Variants in DIAPH3 observed in about 807,000 individuals in gnomAD.
The protein encoded by DIAPH3 is protein diaphanous homolog 3.
A neutral mutation model predicts 144.3 loss-of-function variants in DIAPH3; 117 were observed. That is an observed-to-expected ratio of 0.81 (90% CI 0.70 to 0.95). DIAPH3 has a LOEUF of 0.95. Among genes scored for constraint, DIAPH3 ranks in the 40% least tolerant of loss-of-function variants. The pLI is 0.00. For synonymous variants in DIAPH3, 519 were observed against 488.9 expected (o/e 1.06, Z -0.81); for missense variants, 1,421 against 1,412.7 (o/e 1.01, Z -0.09).
chr13:59,899,403 A>C (rs1163584342), intron 20 of DIAPH3, among the ~76,000 whole-genome samples: 1 of 152,208 alleles, frequency 6.6e-6, no homozygotes, highest in Non-Finnish European at 1.5e-5. Context: ...TCCACAAAGG[A>C]CCTGTGAAAA....
chr13:60,104,589 C>CACA (rs1555375808), intron 3 of DIAPH3, among the ~76,000 whole-genome samples: 1 of 148,912 alleles, frequency 6.7e-6, no homozygotes, highest in African/African-American at 2.5e-5. Flanking sequence ...CACACACACA[C>CACA]ACACACGATG....
intron 17 of DIAPH3, among the ~76,000 whole-genome samples, chr13:59,942,958 T>C (rs2048608692): frequency 6.6e-6 from 1 of 152,182 alleles, no homozygotes; most frequent in African/African-American, 2.4e-5. Flanking sequence ...TAATGAGCAT[T>C]TAAGTTGTTT....
chr13:59,696,468 T>C (rs1425296245), intron 27 of DIAPH3, among the ~76,000 whole-genome samples: 6 of 152,226 alleles, frequency 3.9e-5, no homozygotes, highest in Non-Finnish European at 5.9e-5. Context: ...ATGCCTGCTA[T>C]ATAGTGCTAT....
At chr13:59,770,594 T>G (rs2038072798) in intron 27 of DIAPH3, among the ~76,000 whole-genome samples, 1 of 152,170 alleles carries the variant, frequency 6.6e-6, no homozygotes, top group Non-Finnish European at 1.5e-5. Flanking sequence ...CTACTACTGC[T>G]GCTGCTGCTA....
chr13:59,715,608 G>C (rs1409522158), intron 27 of DIAPH3, among the ~76,000 whole-genome samples: 7 of 150,472 alleles, frequency 4.7e-5, no homozygotes, highest in Admixed American at 1.3e-4. Context: ...ATGTTCTTTA[G>C]AGTAAAAAAA....
intron 27 of DIAPH3, among the ~76,000 whole-genome samples, chr13:59,674,250 C>T (rs1481917880): frequency 6.6e-6 from 1 of 152,182 alleles, no homozygotes; most frequent in Admixed American, 6.5e-5. Context: ...ACACTTTCCC[C>T]ATATATCCAC....
intron 27 of DIAPH3, among the ~76,000 whole-genome samples, chr13:59,773,268 A>G (rs1305855575): frequency 6.6e-6 from 1 of 152,194 alleles, no homozygotes; most frequent in African/African-American, 2.4e-5. Flanking sequence ...CCCCACACCT[A>G]TTAAAAGATA....
intron 4 of DIAPH3, among the ~76,000 whole-genome samples, chr13:60,045,840 G>A (rs535668021): frequency 6.6e-6 from 1 of 152,156 alleles, no homozygotes; most frequent in African/African-American, 2.4e-5. Context: ...TTTTAAGTAT[G>A]AGAATAACCA....
At chr13:59,913,468 A>G (rs1003959984) in intron 19 of DIAPH3, among the ~76,000 whole-genome samples, 2 of 152,118 alleles carry the variant, frequency 1.3e-5, no homozygotes, top group African/African-American at 2.4e-5. Context: ...CCTCTGCTCT[A>G]TTCTACATCT....
At chr13:59,901,304 C>T (rs2046415093) in intron 20 of DIAPH3, among the ~76,000 whole-genome samples, 1 of 152,250 alleles carries the variant, frequency 6.6e-6, no homozygotes, top group East Asian at 1.9e-4. Context: ...CACCGTCTCC[C>T]ACCTTCACTC....
chr13:59,969,928 A>C lies in DIAPH3; in HGVS notation c.2074+16T>G. 1 of 1,461,134 alleles carries C rather than the reference A, an allele frequency of 6.8e-7. No homozygotes were observed. Among genetic ancestry groups the C allele is most frequent in the Non-Finnish European group, 9.5e-7 (1 of 1,052,750 alleles). The allele number at this position is 1,461,134 out of a possible 1,614,324, so 90.5% of individuals were successfully genotyped here. On this transcript the variant is annotated intron_variant, in intron 17 of 27. Coordinates refer to ENST00000400324, the MANE Select transcript of DIAPH3 (RefSeq NM_001042517.2). ...TCTAAAATCAAATTAATAAATAATC[A>C]AGATGTTAAACTTACCTTTTTGTTG... is the stretch of plus-strand genomic sequence containing the variant.
At chr13:59,784,848 C>CGT (rs1566305261) in intron 25 of DIAPH3, among the ~76,000 whole-genome samples, 1 of 151,112 alleles carries the variant, frequency 6.6e-6, no homozygotes, top group Non-Finnish European at 1.5e-5. Context: ...ACCACACACG[C>CGT]GCGCACACAC....
intron 5 of DIAPH3, among the ~76,000 whole-genome samples, chr13:60,041,738 T>C (rs887598389): frequency 6.6e-6 from 1 of 152,146 alleles, no homozygotes; most frequent in African/African-American, 2.4e-5. Flanking sequence ...GAAATAATCA[T>C]TCATTTCTTA....
At position 59,708,900 on chromosome 13, in the gene DIAPH3, TC is replaced by T. The variant is rs150630739; in HGVS notation, c.3320-42055del. Among the ~76,000 whole-genome samples the T allele has an allele frequency of 2.3e-3, 354 of 152,218 alleles. 6 individuals are homozygous for T. The highest frequency in any genetic ancestry group is 3.4e-3 in the Middle Eastern group (1 of 294). ...TTAAAAAGACCTTATAGACTAAAAATCCTTTACCAAAAGACCTTTATTCCCA... is the reference window on the plus strand; with the variant it reads ...TTAAAAAGACCTTATAGACTAAAAATCTTTACCAAAAGACCTTTATTCCCA... On this transcript the variant is annotated intron_variant, in intron 27 of 27. Transcript: ENST00000400324.
intron 4 of DIAPH3, among the ~76,000 whole-genome samples, chr13:60,090,735 C>A (rs1293207091): frequency 6.6e-6 from 1 of 152,102 alleles, no homozygotes. Flanking sequence ...AGAGCAAAAA[C>A]AAATGACTGG....
intron 12 of DIAPH3, 85 bp from the exon 13 acceptor site, chr13:59,983,972 T>G (rs1055857269): frequency 3.5e-6 from 3 of 850,242 alleles, no homozygotes; most frequent in African/African-American, 3.4e-5. Flanking sequence ...AAGATTGATT[T>G]CAAGTTCAAC....
intron 1 of DIAPH3, among the ~76,000 whole-genome samples, chr13:60,155,055 A>G (rs1951956722): frequency 1.3e-5 from 2 of 152,238 alleles, no homozygotes; most frequent in South Asian, 2.1e-4. Flanking sequence ...ACACAGCAAT[A>G]AAGTTACGCC....
chr13:60,074,985 T>G (rs1270297262), intron 4 of DIAPH3, among the ~76,000 whole-genome samples: 1 of 152,160 alleles, frequency 6.6e-6, no homozygotes, highest in East Asian at 1.9e-4. Flanking sequence ...TCTTATAAAA[T>G]AGGTTCAAAA....
intron 27 of DIAPH3, among the ~76,000 whole-genome samples, chr13:59,722,661 A>G (rs547544123): frequency 4.3e-4 from 65 of 152,278 alleles, no homozygotes; most frequent in African/African-American, 1.5e-3. Context: ...GCTGGTGTGG[A>G]TTGTAACAGG....
Sources: allele counts gnomAD v4.1 joint callset (sites outside exome capture counted in the v4.1 genomes callset), GRCh38; gene constraint gnomAD v4.1.1; transcripts MANE v1.5; gene names NCBI Gene and HGNC (gene_info 2026-07-23, HGNC 2026-07-21).